GNB5: variants seen among roughly 807,000 people sequenced by gnomAD.
The protein encoded by GNB5 is G protein subunit beta 5, also known as guanine nucleotide-binding protein subunit beta-5.
A neutral mutation model predicts 55.3 loss-of-function variants in GNB5; 37 were observed. The ratio of observed to expected loss-of-function variants is 0.67; its 90% confidence interval spans 0.51 to 0.88. GNB5 has a LOEUF of 0.88. Among genes scored for constraint, GNB5 ranks in the 40% least tolerant of loss-of-function variants. The probability of loss-of-function intolerance (pLI) is 0.00; values close to 1 mark genes in which losing one functional copy is unlikely to be tolerated. For missense variants in GNB5, 476 were observed against 515.3 expected, an observed-to-expected ratio of 0.92 and a Z score of 0.74; for synonymous variants, 219 against 198.5, an observed-to-expected ratio of 1.10 and a Z score of -0.87.
intron 8 of GNB5, among the ~76,000 whole-genome samples, chr15:52,135,188 G>A (rs2033672402): frequency 6.6e-6 from 1 of 152,094 alleles, no homozygotes. Context: ...TGGCATCACA[G>A]CGTTGCCTCA....
At position 52,184,108 on chromosome 15, in the gene GNB5, A is replaced by AT. The variant is rs1175087404; in HGVS notation, c.126+442dup. On this transcript the variant is annotated intron_variant, in intron 2 of 12. Coordinates refer to ENST00000261837, the MANE Select transcript of GNB5 (RefSeq NM_016194.4). ...ATTTGCCAGCTTCTCTTTTAGCTTG[A>AT]TTGCCTGCCAAGCAGACTTGTAGAA... Among the ~76,000 whole-genome samples, 3 of 152,206 alleles carry AT rather than the reference A, an allele frequency of 2.0e-5. No homozygotes were observed. In the East Asian group the frequency reaches 5.8e-4, roughly 29 times the overall value.
intron 3 of GNB5, among the ~76,000 whole-genome samples, chr15:52,170,049 A>G (rs866651639): frequency 6.6e-6 from 1 of 152,234 alleles, no homozygotes; most frequent in African/African-American, 2.4e-5. Flanking sequence ...ATTATTAAAA[A>G]GTCAAGAAGT....
intron 1 of GNB5, among the ~76,000 whole-genome samples, chr15:52,185,654 T>C (rs548606648): frequency 7.2e-5 from 11 of 152,130 alleles, no homozygotes; most frequent in African/African-American, 2.6e-4. Flanking sequence ...AACTTTTATC[T>C]GAGGAATGCA....
At position 52,120,803 on chromosome 15, in the gene GNB5, G is replaced by T. The variant is rs779937904; in HGVS notation, c.*1954C>A. The T allele has an allele frequency of 2.0e-5, 3 of 152,366 alleles. No individual in the cohort carries two copies. The highest frequency in any genetic ancestry group is 4.4e-5 in the Non-Finnish European group (3 of 68,154). 9.4% of individuals were successfully genotyped at this position (152,366 alleles called of 1,614,324 possible). ...GGCCCATTTCCTGAGCCCCTGCCCA[G>T]ACTGGAATCTACTGGGACTAAAAAG... On this transcript the variant is annotated 3_prime_UTR_variant, in exon 13 of 13. Coordinates refer to ENST00000261837, the MANE Select transcript of GNB5 (RefSeq NM_016194.4).
At chr15:52,141,441 T>C (rs901601935) in intron 6 of GNB5, among the ~76,000 whole-genome samples, 169 bp from the exon 7 acceptor site, 1 of 151,970 alleles carries the variant, frequency 6.6e-6, no homozygotes, top group Non-Finnish European at 1.5e-5. Flanking sequence ...TTCTTTTTTT[T>C]TTTTTAAATA....
intron 5 of GNB5, among the ~76,000 whole-genome samples, chr15:52,147,874 T>C (rs2034010481): frequency 6.6e-6 from 1 of 152,070 alleles, no homozygotes; most frequent in Non-Finnish European, 1.5e-5. Flanking sequence ...TGAGCCCCCA[T>C]GCCCAGCCAC....
chr15:52,128,647 C>A (rs929531091), intron 9 of GNB5: 6 of 480,912 alleles, frequency 1.2e-5, no homozygotes, highest in Non-Finnish European at 2.0e-5. Flanking sequence ...TTACTACCTG[C>A]GATACTTTTG....
chr15:52,140,066 A>C (rs925810796), intron 7 of GNB5: 5 of 812,216 alleles, frequency 6.2e-6, no homozygotes, highest in Admixed American at 4.0e-5. Context: ...AGGCTCAAAT[A>C]ATAGGTGTAA....
intron 8 of GNB5, among the ~76,000 whole-genome samples, chr15:52,134,558 T>G (rs1314412878): frequency 6.6e-6 from 1 of 152,010 alleles, no homozygotes; most frequent in Non-Finnish European, 1.5e-5. Flanking sequence ...AAAAACACAG[T>G]AGAGTTGAGG....
chr15:52,151,037 T>G (rs1179571550), intron 4 of GNB5, among the ~76,000 whole-genome samples: 3 of 152,198 alleles, frequency 2.0e-5, no homozygotes, highest in African/African-American at 7.2e-5. Flanking sequence ...AACATTTCTG[T>G]GTTAATGCCA....
intron 1 of GNB5, among the ~76,000 whole-genome samples, chr15:52,189,518 T>C (rs2034890400): frequency 6.6e-6 from 1 of 152,036 alleles, no homozygotes; most frequent in African/African-American, 2.4e-5. Flanking sequence ...GGATGGAGGT[T>C]GCAGTGAGCC....
chr15:52,135,374 T>C (rs966617672), intron 8 of GNB5, among the ~76,000 whole-genome samples: 2 of 152,146 alleles, frequency 1.3e-5, no homozygotes, highest in South Asian at 2.1e-4. Flanking sequence ...CTAACATCAG[T>C]GGCAGAACAG....
At chr15:52,156,936 T>A (rs1026813148) in intron 3 of GNB5, among the ~76,000 whole-genome samples, 43 of 150,986 alleles carry the variant, frequency 2.8e-4, no homozygotes, top group Admixed American at 2.1e-3. Context: ...TTTTCCAAAT[T>A]CTTTTTTTTT....
intron 2 of GNB5, among the ~76,000 whole-genome samples, chr15:52,182,805 G>T (rs1020155014): frequency 6.6e-6 from 1 of 152,146 alleles, no homozygotes; most frequent in African/African-American, 2.4e-5. Context: ...AGTAATTGTG[G>T]TTTTTGCCAT....
At chr15:52,185,503 G>C (rs1411830104) in intron 1 of GNB5, among the ~76,000 whole-genome samples, 3 of 152,220 alleles carry the variant, frequency 2.0e-5, no homozygotes, top group Non-Finnish European at 4.4e-5. Flanking sequence ...GGCAGCAATA[G>C]CGGGAACAGT....
chr15:52,137,973 T>C, intron 7 of GNB5: 2 of 1,286,544 alleles, frequency 1.6e-6, no homozygotes, highest in Non-Finnish European at 2.0e-6. Context: ...AATCAGGCCT[T>C]ATGCACCGCT....
At chr15:52,152,514 G>A (rs141041727) in intron 4 of GNB5, among the ~76,000 whole-genome samples, 198 of 151,926 alleles carry the variant, frequency 1.3e-3, no homozygotes, top group African/African-American at 4.5e-3. Context: ...TAGTAGACAC[G>A]AGGTTTCACC....
intron 3 of GNB5, among the ~76,000 whole-genome samples, chr15:52,179,208 C>A (rs1054863170): frequency 2.6e-5 from 4 of 152,198 alleles, no homozygotes; most frequent in Non-Finnish European, 4.4e-5. Context: ...ATTTAGTGAG[C>A]TCCTCCGTTT....
At chr15:52,179,954 A>G in intron 2 of GNB5, 75 bp from the exon 3 acceptor site, 1 of 1,420,970 alleles carries the variant, frequency 7.0e-7, no homozygotes, top group South Asian at 1.4e-5. Flanking sequence ...CCGCTCCAGC[A>G]GCCGTCCCCG....
Sources: allele counts gnomAD v4.1 joint callset (sites outside exome capture counted in the v4.1 genomes callset), GRCh38; gene constraint gnomAD v4.1.1; transcripts MANE v1.5; gene names NCBI Gene and HGNC (gene_info 2026-07-23, HGNC 2026-07-21).